KCNT1: variants seen among roughly 807,000 people sequenced by gnomAD.
KCNT1 encodes potassium sodium-activated channel subfamily T member 1.
A neutral mutation model predicts 147.8 loss-of-function variants in KCNT1; 78 were observed. That is an observed-to-expected ratio of 0.53 (90% CI 0.44 to 0.64). The LOEUF is 0.64. Ranked by LOEUF, KCNT1 falls within the 30% of genes least tolerant of loss-of-function variation. The pLI is 0.00. For synonymous variants in KCNT1, 867 were observed against 748.8 expected (o/e 1.16, Z -2.58); for missense variants, 1,419 against 1,750.3 (o/e 0.81, Z 3.38).
At chr9:135,783,947 T>C (rs796693372) in intron 24 of KCNT1, 77 bp from the exon 25 acceptor site, 23 of 1,046,892 alleles carry the variant, frequency 2.2e-5, no homozygotes, top group African/African-American at 1.9e-4. Flanking sequence ...GCACACACAG[T>C]GCCCTCGACC....
chr9:135,776,784 G>A (rs766940535), intron 20 of KCNT1, among the ~76,000 whole-genome samples: 2 of 152,214 alleles, frequency 1.3e-5, no homozygotes, highest in Non-Finnish European at 2.9e-5. Flanking sequence ...TTCACTGGGT[G>A]GGGTGGGGGC....
rs759334176 is a variant in KCNT1, at chr9:135,771,103, G to A, written c.2008+8G>A. 2.2e-5 allele frequency: 36 copies of A among 1,605,670 alleles called. No homozygotes were observed. The highest frequency in any genetic ancestry group is 8.4e-5 in the Admixed American group (5 of 59,338). ...GCATCATCGCCTCCATGGGTGAGCC[G>A]GGACAGGCGCGCGGGACTCCCTGGG... On this transcript the variant is annotated splice_region_variant and intron_variant, in intron 18 of 30. Coordinates refer to ENST00000371757, the MANE Select transcript of KCNT1 (RefSeq NM_020822.3).
intron 2 of KCNT1, among the ~76,000 whole-genome samples, chr9:135,745,489 G>A (rs1184553028): frequency 1.3e-5 from 2 of 152,242 alleles, no homozygotes; most frequent in Non-Finnish European, 2.9e-5. Flanking sequence ...TCGAAGGCCT[G>A]CGCTGTCTCT....
chr9:135,703,122 C>T (rs537487), intron 1 of KCNT1: 129,705 of 152,656 alleles, frequency 0.85, 55,982 homozygotes, highest in Non-Finnish European at 0.93. Flanking sequence ...CCCATCCTCT[C>T]CCCCATCCCT....
In KCNT1 at chr9:135,732,120, G is replaced by A. The variant is rs189914860; in HGVS notation, c.254+17400G>A. ...ACTGCAACCTCCGCCTCCCAGGTTC[G>A]AGATTCTCCTGCCTCAGCCTCCCCA... is the stretch of plus-strand genomic sequence containing the variant. On this transcript the variant is annotated intron_variant, in intron 2 of 30. Transcript: ENST00000371757. 7.0e-3 allele frequency among the ~76,000 whole-genome samples: 1,050 copies of A among 150,118 alleles called. 5 individuals carry two copies. Among genetic ancestry groups the A allele is most frequent in the African/African-American group, 0.016 (660 of 40,738 alleles).
At chr9:135,724,401 G>A (rs940173425) in intron 2 of KCNT1, among the ~76,000 whole-genome samples, 1 of 152,254 alleles carries the variant, frequency 6.6e-6, no homozygotes, top group African/African-American at 2.4e-5. Context: ...AGGCCAACGG[G>A]GGCAGGCACA....
chr9:135,737,361 C>T (rs1354584891), intron 2 of KCNT1, among the ~76,000 whole-genome samples: 2 of 152,188 alleles, frequency 1.3e-5, no homozygotes, highest in East Asian at 3.9e-4. Context: ...CTTCCGCAAG[C>T]TCAGGGTGGG....
intron 2 of KCNT1, among the ~76,000 whole-genome samples, chr9:135,747,356 G>A (rs1830887101): frequency 6.6e-6 from 1 of 151,910 alleles, no homozygotes; most frequent in African/African-American, 2.4e-5. Flanking sequence ...GGCGGGGAGG[G>A]TGGGTTCCTA....
rs10776847 is a variant in KCNT1, at chr9:135,783,944, C to G, written c.2842-80C>G. 0.21 allele frequency: 213,009 copies of G among 1,010,356 alleles called. 24,483 individuals carry two copies. Among genetic ancestry groups the G allele is most frequent in the Non-Finnish European group, 0.24 (152,922 of 644,684 alleles). 62.6% of individuals were successfully genotyped at this position (1,010,356 alleles called of 1,614,324 possible). On this transcript the variant is annotated intron_variant, in intron 24 of 30. Transcript: ENST00000371757. ...CATGCACACATGTACGGTGCACACA[C>G]AGTGCCCTCGACCCCGTGGCTGCCG...
At chr9:135,741,025 C>G (rs1346949302) in intron 2 of KCNT1, among the ~76,000 whole-genome samples, 1 of 152,162 alleles carries the variant, frequency 6.6e-6, no homozygotes, top group African/African-American at 2.4e-5. Flanking sequence ...AGCCCCAGGT[C>G]CCTTTGCCCA....
chr9:135,731,944 C>G (rs1202232820), intron 2 of KCNT1, among the ~76,000 whole-genome samples: 1 of 120,026 alleles, frequency 8.3e-6, no homozygotes, highest in Non-Finnish European at 1.7e-5. Context: ...TATCTAAATA[C>G]TTTTCAAATA....
Position 135,775,970 on chromosome 9 carries a change from G to A in KCNT1, c.2349+555G>A, listed in dbSNP as rs1461491458. Among the ~76,000 whole-genome samples the A allele has an allele frequency of 3.3e-5, 5 of 151,772 alleles. No homozygotes were observed. The East Asian group carries it at 7.7e-4, about 23-fold the overall frequency. ...GACCTTAATATTTTTGCAGAGCAGG[G>A]ACCAGTGACCTGGTGGCAGGTGGGT... is the stretch of plus-strand genomic sequence containing the variant. On this transcript the variant is annotated intron_variant, in intron 20 of 30. Transcript: ENST00000371757.
At chr9:135,774,411 G>T (rs1194597789) in intron 19 of KCNT1, among the ~76,000 whole-genome samples, 2 of 138,336 alleles carry the variant, frequency 1.4e-5, no homozygotes, top group Admixed American at 1.4e-4. Context: ...GTGTGTGTGT[G>T]GTGTGTGTCT....
chr9:135,761,856 C>T (rs996027065), intron 11 of KCNT1, among the ~76,000 whole-genome samples: 2 of 152,234 alleles, frequency 1.3e-5, no homozygotes, highest in East Asian at 1.9e-4. Flanking sequence ...CCCAGCCACA[C>T]GCAGCTCCAC....
At position 135,729,480 on chromosome 9, in the gene KCNT1, C is replaced by T. The variant is rs115593565; in HGVS notation, c.254+14760C>T. Among the ~76,000 whole-genome samples the T allele has an allele frequency of 2.1e-3, 316 of 152,362 alleles. 2 individuals are homozygous for T. Among genetic ancestry groups the T allele is most frequent in the African/African-American group, 7.4e-3 (307 of 41,590 alleles). On this transcript the variant is annotated intron_variant, in intron 2 of 30. Transcript: ENST00000371757. ...GCGGGCCCAGCCCTGCGGATGCCTCCGTCTCAGCCTCATGGGACCCTCTGC... is the reference window on the plus strand; with the variant it reads ...GCGGGCCCAGCCCTGCGGATGCCTCTGTCTCAGCCTCATGGGACCCTCTGC...
chr9:135,791,581 G>A (rs1834530859), intron 29 of KCNT1: 2 of 554,048 alleles, frequency 3.6e-6, no homozygotes, highest in Non-Finnish European at 3.3e-6. Context: ...GCTCCCAGCT[G>A]CCCTCCTGGC....
chr9:135,762,370 C>G (rs1402397468), intron 11 of KCNT1, among the ~76,000 whole-genome samples: 1 of 152,100 alleles, frequency 6.6e-6, no homozygotes, highest in Non-Finnish European at 1.5e-5. Flanking sequence ...CGCCTGAGCC[C>G]TGAGGTTGAG....
intron 12 of KCNT1, 97 bp downstream of exon 12, chr9:135,765,292 T>G (rs1199156985): frequency 3.3e-6 from 4 of 1,226,906 alleles, no homozygotes; most frequent in Non-Finnish European, 4.7e-6. Context: ...CTGAGTCCTC[T>G]CAGCCTTGGT....
At chr9:135,721,313 TG>T (rs1216442984) in intron 2 of KCNT1, among the ~76,000 whole-genome samples, 2 of 151,516 alleles carry the variant, frequency 1.3e-5, no homozygotes, top group Non-Finnish European at 2.9e-5. Flanking sequence ...GGGTAGGGGG[TG>T]GTTATATTTA....
Sources: allele counts gnomAD v4.1 joint callset (sites outside exome capture counted in the v4.1 genomes callset), GRCh38; gene constraint gnomAD v4.1.1; transcripts MANE v1.5; gene names NCBI Gene and HGNC (gene_info 2026-07-23, HGNC 2026-07-21).